TIAM1: variants seen among roughly 807,000 people sequenced by gnomAD.
TIAM1 encodes the protein rho guanine nucleotide exchange factor TIAM1.
Under a neutral mutation model 163.5 loss-of-function variants are expected in TIAM1, and 65 were observed. The observed-to-expected ratio is 0.40, with a 90% CI of 0.33 to 0.49. The LOEUF (loss-of-function observed/expected upper bound fraction) is 0.49, where lower values mean the gene tolerates loss of function less well. Among genes scored for constraint, TIAM1 ranks in the 20% least tolerant of loss-of-function variants. The pLI is 0.77. For missense variants in TIAM1, 1,789 were observed against 2,044.7 expected (o/e 0.87, Z 2.41); for synonymous variants, 833 against 810.1 (o/e 1.03, Z -0.48).
intron 1 of TIAM1, among the ~76,000 whole-genome samples, chr21:31,518,578 C>T (rs941443967): frequency 6.6e-6 from 1 of 152,142 alleles, no homozygotes; most frequent in Non-Finnish European, 1.5e-5. Flanking sequence ...TTGGCCACTG[C>T]GCCCGGCCCT....
At chr21:31,213,132 CCT>C in intron 10 of TIAM1, 2 of 380,622 alleles carry the variant, frequency 5.3e-6, no homozygotes, top group Non-Finnish European at 9.3e-6. Flanking sequence ...ACCCAAATTT[CCT>C]CTTACATTCT....
At chr21:31,242,313 G>A (rs557850190) in intron 6 of TIAM1, among the ~76,000 whole-genome samples, 191 of 151,206 alleles carry the variant, frequency 1.3e-3, no homozygotes, top group African/African-American at 4.2e-3. Context: ...TGAGGCCAGG[G>A]GTTTGAGACC....
intron 13 of TIAM1, among the ~76,000 whole-genome samples, chr21:31,191,072 C>T (rs1001738834): frequency 2.6e-5 from 4 of 152,154 alleles, no homozygotes; most frequent in African/African-American, 7.2e-5. Flanking sequence ...TCAATCAATA[C>T]GCTGCTGGAA....
intron 23 of TIAM1, among the ~76,000 whole-genome samples, chr21:31,134,366 A>G (rs1443834154): frequency 1.3e-5 from 2 of 152,202 alleles, no homozygotes; most frequent in Non-Finnish European, 1.5e-5. Context: ...AAGAAACACA[A>G]GTGGTGATGT....
upstream of TIAM1, among the ~76,000 whole-genome samples, chr21:31,347,182 G>A (rs1296325517): frequency 1.3e-5 from 2 of 152,184 alleles, no homozygotes; most frequent in Non-Finnish European, 2.9e-5. Flanking sequence ...AAGAGTCTGA[G>A]CAACATGTGA....
At position 31,520,666 on chromosome 21, in the gene TIAM1, C is replaced by T. The variant is rs185477251; in HGVS notation, c.-422+38261G>A. Among the ~76,000 whole-genome samples the T allele has an allele frequency of 7.9e-5, 12 of 152,312 alleles. No individual in the cohort carries two copies. In the East Asian group the frequency reaches 1.7e-3, roughly 22 times the overall value. ...TGATCGCAAAGCGAAAATCCAATTC[C>T]CTCTCTGTGTTTATGAAAGCCATTC... On this transcript the variant is annotated intron_variant, in intron 1 of 28. Coordinates refer to the TIAM1 transcript ENST00000286827.
At chr21:31,287,029 T>C (rs932646780) in intron 2 of TIAM1, among the ~76,000 whole-genome samples, 4 of 152,234 alleles carry the variant, frequency 2.6e-5, no homozygotes, top group Admixed American at 2.6e-4. Context: ...AGCTCTAACA[T>C]GTAAAAACAT....
chr21:31,323,754 C>A (rs1397549361), intron 2 of TIAM1, among the ~76,000 whole-genome samples: 1 of 152,098 alleles, frequency 6.6e-6, no homozygotes, highest in Non-Finnish European at 1.5e-5. Flanking sequence ...TCGCTAGAGC[C>A]CGGGAGGCAG....
intron 2 of TIAM1, among the ~76,000 whole-genome samples, chr21:31,398,913 C>A (rs994927119): frequency 6.6e-6 from 1 of 152,206 alleles, no homozygotes; most frequent in Non-Finnish European, 1.5e-5. Context: ...CGGTGGCTCA[C>A]GCCTATAATC....
chr21:31,160,717 G>C lies in TIAM1; in HGVS notation c.2991+4245C>G, dbSNP rs1391488544. On this transcript the variant is annotated intron_variant, in intron 16 of 27. Transcript: ENST00000541036. ...TACGGCCACGTCTCAACGCAGCAAGGACAGCGACGGTGAGACCCCGGAGCT... is the reference window on the plus strand; with the variant it reads ...TACGGCCACGTCTCAACGCAGCAAGCACAGCGACGGTGAGACCCCGGAGCT... 1.0e-5 allele frequency: 4 copies of C among 386,472 alleles called. No homozygotes were observed. In the Admixed American group the frequency reaches 1.8e-4, roughly 17 times the overall value. The allele number at this position is 386,472 out of a possible 1,614,324, so 23.9% of individuals were successfully genotyped here.
At chr21:31,352,402 T>G (rs1210915493) in intron 2 of TIAM1, among the ~76,000 whole-genome samples, 1 of 152,076 alleles carries the variant, frequency 6.6e-6, no homozygotes, top group Non-Finnish European at 1.5e-5. Context: ...TGTACAACAT[T>G]GTGAATGTAA....
At chr21:31,252,270 G>C in intron 4 of TIAM1, 81 bp from the exon 5 acceptor site, 7 of 1,429,710 alleles carry the variant, frequency 4.9e-6, no homozygotes, top group Non-Finnish European at 6.6e-6. Flanking sequence ...AGAGCCCTGG[G>C]TCCAGCCAGG....
chr21:31,464,904 A>G (rs1319903745), intron 1 of TIAM1, among the ~76,000 whole-genome samples: 2 of 151,044 alleles, frequency 1.3e-5, no homozygotes. Flanking sequence ...CAGCACTTTG[A>G]GAGGCTGAGA....
At chr21:31,363,660 AATG>A (rs1377250714) in intron 2 of TIAM1, among the ~76,000 whole-genome samples, 2 of 152,094 alleles carry the variant, frequency 1.3e-5, no homozygotes, top group African/African-American at 4.8e-5. Flanking sequence ...CCAAATGCTG[AATG>A]ATCACACGAT....
chr21:31,245,538 C>T lies in TIAM1; in HGVS notation c.1534G>A (p.Asp512Asn). The T allele has an allele frequency of 6.3e-7, 1 of 1,579,428 alleles. No individual in the cohort carries two copies. Among genetic ancestry groups the T allele is most frequent in the Non-Finnish European group, 8.6e-7 (1 of 1,163,296 alleles). The stretch of plus-strand genomic sequence containing the variant: ...GAATTGCTGAGGCAGAAGACAAAGT[C>T]CTTCTTGGGGTGCTCAGGCACCGCC... The part of the protein sequence containing the change: ...VQAVPEHPKK[D>N]FVFCLSNSLG... The change falls in exon 6 of 28, where the codon GAC becomes AAC. Residue 512 changes from aspartate (D) to asparagine (N), a missense_variant. Around this residue, in one of 5 missense-constraint regions of TIAM1, gnomAD observed 456 missense variants for 586.6 expected, o/e 0.78. Coordinates refer to ENST00000541036, the MANE Select transcript of TIAM1 (RefSeq NM_001353694.2).
At chr21:31,430,668 G>A (rs551663646) in intron 2 of TIAM1, among the ~76,000 whole-genome samples, 45 of 152,182 alleles carry the variant, frequency 3.0e-4, no homozygotes, top group African/African-American at 1.0e-3. Flanking sequence ...GCATGGATTT[G>A]TTTTAGAATT....
chr21:31,401,124 T>C (rs1006191348), intron 2 of TIAM1, among the ~76,000 whole-genome samples: 1 of 152,190 alleles, frequency 6.6e-6, no homozygotes, highest in African/African-American at 2.4e-5. Context: ...TGAGTCTGCA[T>C]TTTTTAAGTC....
intron 2 of TIAM1, among the ~76,000 whole-genome samples, chr21:31,324,450 T>C (rs1231998136): frequency 6.6e-6 from 1 of 152,244 alleles, no homozygotes; most frequent in Non-Finnish European, 1.5e-5. Flanking sequence ...GTAGAGGACC[T>C]ACTGTAAGTC....
chr21:31,552,978 A>C (rs1241244283), intron 1 of TIAM1, among the ~76,000 whole-genome samples: 1 of 152,198 alleles, frequency 6.6e-6, no homozygotes, highest in Non-Finnish European at 1.5e-5. Context: ...TCCACCAACA[A>C]GCACAGCCGA....
Sources: allele counts gnomAD v4.1 joint callset (sites outside exome capture counted in the v4.1 genomes callset), GRCh38; gene constraint gnomAD v4.1.1; regional missense constraint gnomAD v4.1.1; transcripts MANE v1.5; gene names NCBI Gene and HGNC (gene_info 2026-07-23, HGNC 2026-07-21).